The following LIN7A variants were observed in gnomAD, a reference collection of about 807,000 sequenced individuals.
The protein encoded by LIN7A is protein lin-7 homolog A.
LIN7A carries 25 observed loss-of-function variants against 29.8 expected under a neutral mutation model. That is an observed-to-expected ratio of 0.84 (90% CI 0.61 to 1.17). LIN7A has a LOEUF of 1.17. Among genes scored for constraint, LIN7A ranks in the 50% most tolerant of loss-of-function variants. LIN7A has a pLI of 0.00. For missense variants in LIN7A, 239 were observed against 287.0 expected (o/e 0.83, Z 1.21); for synonymous variants, 118 against 107.5 (o/e 1.10, Z -0.60).
intron 4 of LIN7A, among the ~76,000 whole-genome samples, chr12:80,814,822 C>G (rs545885059): frequency 8.5e-5 from 13 of 152,266 alleles, no homozygotes; most frequent in African/African-American, 3.1e-4. Context: ...TAGACAAGGA[C>G]TCAGATTCTC....
At chr12:80,821,917 G>T (rs1871826448) in intron 4 of LIN7A, among the ~76,000 whole-genome samples, 1 of 152,218 alleles carries the variant, frequency 6.6e-6, no homozygotes, top group Admixed American at 6.5e-5. Context: ...TTGATACTAA[G>T]TGCAGGCACT....
rs79295733 is a variant in LIN7A, at chr12:80,831,104, A to G, written c.483+14626T>C. Reference sequence around the variant, plus strand: ...TTTTGTCTCTTTTTTTTCATTAAAGAATCCTGACTGCTTCAAATTGTACAA... The same window carrying G: ...TTTTGTCTCTTTTTTTTCATTAAAGGATCCTGACTGCTTCAAATTGTACAA... On this transcript the variant is annotated intron_variant, in intron 4 of 5. Coordinates refer to ENST00000552864, the MANE Select transcript of LIN7A (RefSeq NM_004664.4). Among the ~76,000 whole-genome samples, 1,004 of 152,308 alleles carry G rather than the reference A, an allele frequency of 6.6e-3. 9 individuals carry two copies. The highest frequency in any genetic ancestry group is 0.023 in the African/African-American group (957 of 41,562).
At chr12:80,852,284 T>C (rs1184271721) in intron 2 of LIN7A, among the ~76,000 whole-genome samples, 2 of 152,178 alleles carry the variant, frequency 1.3e-5, no homozygotes, top group Non-Finnish European at 2.9e-5. Flanking sequence ...CAAGTTTACA[T>C]ACACAGGTTA....
chr12:80,828,042 A>C (rs1872164646), intron 4 of LIN7A, among the ~76,000 whole-genome samples: 1 of 152,208 alleles, frequency 6.6e-6, no homozygotes, highest in African/African-American at 2.4e-5. Context: ...GATGCAGATT[A>C]AATCTAAAAT....
chr12:80,810,191 C>G (rs1464888979), intron 5 of LIN7A, among the ~76,000 whole-genome samples: 1 of 152,158 alleles, frequency 6.6e-6, no homozygotes, highest in African/African-American at 2.4e-5. Flanking sequence ...CCTCCCCCAG[C>G]CTCCCAGCCT....
intron 4 of LIN7A, among the ~76,000 whole-genome samples, chr12:80,820,070 A>T (rs1871722000): frequency 6.6e-6 from 1 of 152,212 alleles, no homozygotes; most frequent in African/African-American, 2.4e-5. Flanking sequence ...CATCATTTCC[A>T]TTCATACAAT....
intron 5 of LIN7A, among the ~76,000 whole-genome samples, chr12:80,803,363 A>G (rs561358968): frequency 2.4e-4 from 36 of 152,302 alleles, no homozygotes; most frequent in African/African-American, 8.4e-4. Flanking sequence ...AGTTTTCCCA[A>G]CACCATTGAT....
At chr12:80,913,807 A>G (rs924330569) in intron 1 of LIN7A, among the ~76,000 whole-genome samples, 2 of 151,998 alleles carry the variant, frequency 1.3e-5, no homozygotes, top group African/African-American at 4.8e-5. Context: ...TCTATTCTGC[A>G]TTATTTTCTG....
chr12:80,934,503 A>G (rs1392444951), intron 1 of LIN7A, among the ~76,000 whole-genome samples: 7 of 152,232 alleles, frequency 4.6e-5, no homozygotes, highest in African/African-American at 1.7e-4. Context: ...TTCCCAGAGC[A>G]GACCCAGGAA....
intron 1 of LIN7A, among the ~76,000 whole-genome samples, chr12:80,893,746 T>G (rs1284350074): frequency 6.6e-6 from 1 of 152,158 alleles, no homozygotes; most frequent in Non-Finnish European, 1.5e-5. Context: ...GCAATGAACT[T>G]GGTGACCCGC....
At chr12:80,875,946 G>C (rs1398013764) in intron 2 of LIN7A, among the ~76,000 whole-genome samples, 4 of 151,890 alleles carry the variant, frequency 2.6e-5, no homozygotes, top group Admixed American at 2.0e-4. Context: ...GCCCCCTTTG[G>C]ATCTCATGTG....
chr12:80,878,607 G>C (rs1293777134), intron 2 of LIN7A, among the ~76,000 whole-genome samples: 5 of 152,218 alleles, frequency 3.3e-5, no homozygotes, highest in African/African-American at 1.2e-4. Context: ...TACGGAAAGA[G>C]ATCTGAGCGG....
chr12:80,800,489 C>CAAAAAAAAAAA (rs55772850), intron 5 of LIN7A, among the ~76,000 whole-genome samples: 13 of 38,080 alleles, frequency 3.4e-4, no homozygotes, highest in African/African-American at 1.2e-3. Context: ...AACTCCGTCT[C>CAAAAAAAAAAA]AAAAAAAAAA....
At chr12:80,868,128 T>C (rs1434345550) in intron 2 of LIN7A, among the ~76,000 whole-genome samples, 2 of 152,212 alleles carry the variant, frequency 1.3e-5, no homozygotes, top group Admixed American at 6.5e-5. Context: ...CTTTTACTGA[T>C]AATGTTTAAG....
intron 2 of LIN7A, among the ~76,000 whole-genome samples, chr12:80,868,180 C>T (rs886477114): frequency 6.6e-6 from 1 of 152,200 alleles, no homozygotes; most frequent in South Asian, 2.1e-4. Flanking sequence ...GAGAGGCCAT[C>T]TGCCTAGTAC....
At chr12:80,924,374 T>C (rs1028326051) in intron 1 of LIN7A, among the ~76,000 whole-genome samples, 1 of 152,228 alleles carries the variant, frequency 6.6e-6, no homozygotes, top group African/African-American at 2.4e-5. Context: ...CTTTCATTTA[T>C]TGCATTGGGG....
chr12:80,905,197 T>G (rs990407493), intron 1 of LIN7A, among the ~76,000 whole-genome samples: 1 of 152,018 alleles, frequency 6.6e-6, no homozygotes, highest in South Asian at 2.1e-4. Context: ...AGGATTTTTT[T>G]TTTTTCTTTT....
Position 80,830,378 on chromosome 12 carries a change from C to A in LIN7A, c.483+15352G>T, listed in dbSNP as rs556882285. On this transcript the variant is annotated intron_variant, in intron 4 of 5. Coordinates refer to ENST00000552864, the MANE Select transcript of LIN7A (RefSeq NM_004664.4). ...AAGTTAGCAAATTATTCACCAAACT[C>A]CACCAATGACATTGAATTTGTGCCC... Among the ~76,000 whole-genome samples the A allele has an allele frequency of 7.2e-5, 11 of 152,234 alleles. No homozygotes were observed. In the South Asian group the frequency reaches 1.2e-3, roughly 17 times the overall value.
At chr12:80,869,712 C>T (rs1244837702) in intron 2 of LIN7A, among the ~76,000 whole-genome samples, 1 of 151,166 alleles carries the variant, frequency 6.6e-6, no homozygotes, top group East Asian at 1.9e-4. Context: ...GTCTATATAA[C>T]TACTAAAAGC....
Sources: allele counts gnomAD v4.1 joint callset (sites outside exome capture counted in the v4.1 genomes callset), GRCh38; gene constraint gnomAD v4.1.1; transcripts MANE v1.5; gene names NCBI Gene and HGNC (gene_info 2026-07-23, HGNC 2026-07-21).